Variants in RBFOX2 observed in about 807,000 individuals in gnomAD.
RBFOX2 encodes RNA binding fox-1 homolog 2.
Under a neutral mutation model 49.1 loss-of-function variants are expected in RBFOX2, and 10 were observed. The ratio of observed to expected loss-of-function variants is 0.20; its 90% CI spans 0.13 to 0.35. RBFOX2 has a LOEUF of 0.35. Among genes scored for constraint, RBFOX2 ranks in the 10% least tolerant of loss-of-function variants. The pLI, the probability that RBFOX2 is intolerant of heterozygous loss-of-function variation, is 1.00. For missense variants in RBFOX2, 323 were observed against 486.9 expected, an observed-to-expected ratio of 0.66 and a Z score of 3.17; for synonymous variants, 183 against 187.4, an observed-to-expected ratio of 0.98 and a Z score of 0.19.
In RBFOX2 at chr22:35,825,266, G is replaced by A. The variant is rs117589390; in HGVS notation, c.27+14926C>T. 7.6e-4 allele frequency among the ~76,000 whole-genome samples: 116 copies of A among 152,226 alleles called. No homozygotes were observed. The East Asian group carries it at 0.018, about 24-fold the overall frequency. Reference sequence around the variant, plus strand: ...AGATAGTCAAATTAATCAATTCTGTGCTTACCCCAGAGGAACCAAAGGCTC... The same window carrying A: ...AGATAGTCAAATTAATCAATTCTGTACTTACCCCAGAGGAACCAAAGGCTC... On this transcript the variant is annotated intron_variant, in intron 1 of 11. Coordinates refer to ENST00000405409, the Ensembl canonical transcript of RBFOX2.
At chr22:36,027,608 G>C (rs2059494036) in intron 1 of RBFOX2, among the ~76,000 whole-genome samples, 1 of 152,130 alleles carries the variant, frequency 6.6e-6, no homozygotes, top group East Asian at 1.9e-4. Context: ...GACATGTCTA[G>C]TGTCTCCCTT....
intron 1 of RBFOX2, among the ~76,000 whole-genome samples, chr22:35,896,499 A>G (rs751401028): frequency 6.6e-6 from 1 of 152,190 alleles, no homozygotes; most frequent in Non-Finnish European, 1.5e-5. Context: ...AAGGTCTACA[A>G]GTCTCACATT....
chr22:35,834,321 G>T (rs746951147), intron 1 of RBFOX2, among the ~76,000 whole-genome samples: 36 of 152,228 alleles, frequency 2.4e-4, no homozygotes, highest in East Asian at 3.9e-4. Flanking sequence ...TGCTTAGAAC[G>T]GTATCTGATA....
intron 1 of RBFOX2, among the ~76,000 whole-genome samples, chr22:35,991,714 G>A (rs1335238945): frequency 6.6e-6 from 1 of 152,166 alleles, no homozygotes; most frequent in Admixed American, 6.5e-5. Flanking sequence ...TTTTGCCAAA[G>A]CAAACAAGAA....
chr22:35,771,009 CT>C, intron 4 of RBFOX2, among the ~76,000 whole-genome samples: 1 of 152,288 alleles, frequency 6.6e-6, no homozygotes, highest in South Asian at 2.1e-4. Context: ...TGTTTTGGGA[CT>C]CTTTAATATG....
chr22:35,963,143 T>TA (rs1163618611), upstream of RBFOX2, among the ~76,000 whole-genome samples: 11 of 146,304 alleles, frequency 7.5e-5, no homozygotes, highest in African/African-American at 2.5e-4. Flanking sequence ...ACAGAAAACT[T>TA]AAACAATTTA....
At chr22:35,891,551 T>C (rs1377777539) in intron 1 of RBFOX2, among the ~76,000 whole-genome samples, 1 of 152,130 alleles carries the variant, frequency 6.6e-6, no homozygotes, top group Non-Finnish European at 1.5e-5. Context: ...AGAATTGAAC[T>C]ATGAAAAAAC....
At chr22:35,969,680 G>C (rs981960664) in intron 1 of RBFOX2, among the ~76,000 whole-genome samples, 2 of 152,210 alleles carry the variant, frequency 1.3e-5, no homozygotes, top group African/African-American at 4.8e-5. Context: ...ATCAGAGGCA[G>C]GAAGTTAGTA....
chr22:35,927,786 C>G (rs780455978), intron 1 of RBFOX2, among the ~76,000 whole-genome samples: 17 of 152,028 alleles, frequency 1.1e-4, no homozygotes, highest in Non-Finnish European at 2.4e-4. Flanking sequence ...GCTGCCAAGA[C>G]CCAAGAGTCA....
intron 1 of RBFOX2, among the ~76,000 whole-genome samples, chr22:35,827,332 T>C (rs1227325458): frequency 2.0e-5 from 3 of 152,274 alleles, no homozygotes; most frequent in Middle Eastern, 3.4e-3. Flanking sequence ...AGGTAATACA[T>C]AGGAAAAAAG....
intron 1 of RBFOX2, among the ~76,000 whole-genome samples, chr22:36,006,239 A>C (rs935709589): frequency 1.8e-4 from 28 of 152,258 alleles, no homozygotes; most frequent in Admixed American, 4.6e-4. Flanking sequence ...TATGAAGAGC[A>C]AAATGCATGC....
At chr22:35,913,854 A>G (rs1475267361) in intron 1 of RBFOX2, among the ~76,000 whole-genome samples, 1 of 151,972 alleles carries the variant, frequency 6.6e-6, no homozygotes, top group Non-Finnish European at 1.5e-5. Flanking sequence ...AGAAAAGGGG[A>G]ATGAGGAAGG....
chr22:35,869,554 C>T (rs2044114345), intron 1 of RBFOX2, among the ~76,000 whole-genome samples: 1 of 149,936 alleles, frequency 6.7e-6, no homozygotes, highest in Non-Finnish European at 1.5e-5. Flanking sequence ...GAACTCCTGG[C>T]CTCAAGCCAT....
chr22:35,840,112 C>G, intron 1 of RBFOX2: 1 of 1,536,974 alleles, frequency 6.5e-7, no homozygotes, highest in South Asian at 1.1e-5. Context: ...TAAAACTCTT[C>G]TTACTATACT....
chr22:35,964,365 A>C (rs2056435935), upstream of RBFOX2, among the ~76,000 whole-genome samples: 1 of 152,232 alleles, frequency 6.6e-6, no homozygotes, highest in Non-Finnish European at 1.5e-5. Flanking sequence ...TAGGCACTCA[A>C]TACTTATTAA....
chr22:35,828,586 T>G (rs570230585), intron 1 of RBFOX2, among the ~76,000 whole-genome samples: 1 of 152,272 alleles, frequency 6.6e-6, no homozygotes, highest in South Asian at 2.1e-4. Context: ...CAGGGAACAG[T>G]ACTAGGAGCT....
intron 2 of RBFOX2, among the ~76,000 whole-genome samples, chr22:35,799,507 T>C (rs1470031478): frequency 6.6e-6 from 1 of 152,222 alleles, no homozygotes; most frequent in Non-Finnish European, 1.5e-5. Flanking sequence ...TCAGTTCTCA[T>C]TTTTGTACAA....
intron 2 of RBFOX2, among the ~76,000 whole-genome samples, chr22:35,793,161 CAGG>C (rs1047177448): frequency 3.6e-4 from 55 of 152,342 alleles, no homozygotes; most frequent in African/African-American, 1.3e-3. Context: ...CACCTGAGGT[CAGG>C]AGTTCGAGAC....
At chr22:35,776,882 T>C (rs1944035180) in intron 4 of RBFOX2, among the ~76,000 whole-genome samples, 1 of 138,996 alleles carries the variant, frequency 7.2e-6, no homozygotes, top group Admixed American at 7.1e-5. Context: ...CATCAAATAC[T>C]TTTTTTTTTT....
Sources: gnomAD v4.1 joint callset for allele counts (sites outside exome capture counted in the v4.1 genomes callset) on GRCh38, gnomAD v4.1.1 for gene constraint, MANE v1.5 for transcripts, NCBI Gene and HGNC (gene_info 2026-07-23, HGNC 2026-07-21) for gene names.